The following GNAQ variants were observed in gnomAD, a reference collection of about 807,000 sequenced individuals.
The protein encoded by GNAQ is guanine nucleotide-binding protein G(q) subunit alpha.
A neutral mutation model predicts 43.9 loss-of-function variants in GNAQ; 8 were observed. That is an observed-to-expected ratio of 0.18 (90% CI 0.11 to 0.33). The LOEUF (loss-of-function observed/expected upper bound fraction) is 0.33, where lower values mean the gene tolerates loss of function less well. Among genes scored for constraint, GNAQ ranks in the 10% least tolerant of loss-of-function variants. GNAQ has a pLI of 1.00. For synonymous variants in GNAQ, 155 were observed against 170.7 expected (o/e 0.91, Z 0.71); for missense variants, 158 against 450.8 (o/e 0.35, Z 5.88).
intron 2 of GNAQ, among the ~76,000 whole-genome samples, chr9:77,860,176 T>C (rs1348382009): frequency 6.6e-6 from 1 of 152,202 alleles, no homozygotes; most frequent in Non-Finnish European, 1.5e-5. Flanking sequence ...CATGACCACC[T>C]GGGCATCTGC....
chr9:77,932,896 G>T (rs1433690194), intron 1 of GNAQ, among the ~76,000 whole-genome samples: 1 of 152,144 alleles, frequency 6.6e-6, no homozygotes, highest in African/African-American at 2.4e-5. Flanking sequence ...AAAAAAGTCT[G>T]TGTGGGGCTG....
intron 1 of GNAQ, among the ~76,000 whole-genome samples, chr9:77,983,584 C>A (rs186464328): frequency 9.2e-5 from 14 of 152,258 alleles, no homozygotes; most frequent in Admixed American, 8.5e-4. Context: ...TTGGTGTATT[C>A]CTTATTCCTC....
At position 77,917,375 on chromosome 9, in the gene GNAQ, G is replaced by C. The variant is rs560069304; in HGVS notation, c.321+4786C>G. Among the ~76,000 whole-genome samples the C allele has an allele frequency of 4.0e-5, 6 of 151,198 alleles. No homozygotes were observed. The South Asian group carries it at 8.3e-4, about 21-fold the overall frequency. On this transcript the variant is annotated intron_variant, in intron 2 of 6. Transcript: ENST00000286548. Reference sequence around the variant, plus strand: ...GTATAAAGAGGGCGGAAGGAGGGTGGGGGGGAAGAAGGTAAGAAAAAATAA... The same window carrying C: ...GTATAAAGAGGGCGGAAGGAGGGTGCGGGGGAAGAAGGTAAGAAAAAATAA...
chr9:77,761,137 G>A (rs1357292119), intron 5 of GNAQ, among the ~76,000 whole-genome samples: 1 of 145,616 alleles, frequency 6.9e-6, no homozygotes, highest in Admixed American at 6.7e-5. Context: ...CCCCCGCCCG[G>A]CCAGCCGCCC....
intron 2 of GNAQ, among the ~76,000 whole-genome samples, chr9:77,850,377 C>A (rs1182999510): frequency 2.0e-5 from 3 of 152,120 alleles, no homozygotes; most frequent in Non-Finnish European, 4.4e-5. Context: ...CTCACTGTGT[C>A]CCTCCTCTAC....
chr9:77,873,989 C>T (rs1404872540), intron 2 of GNAQ, among the ~76,000 whole-genome samples: 1 of 151,780 alleles, frequency 6.6e-6, no homozygotes, highest in African/African-American at 2.4e-5. Flanking sequence ...CCTGTAATCC[C>T]AGCTACCCGG....
chr9:78,021,130 G>A (rs963197417), intron 1 of GNAQ, among the ~76,000 whole-genome samples: 4 of 145,264 alleles, frequency 2.8e-5, no homozygotes, highest in African/African-American at 1.0e-4. Flanking sequence ...ACTCACTGCA[G>A]CCCTGACCAC....
At chr9:77,819,949 T>C (rs1403407052) in intron 2 of GNAQ, among the ~76,000 whole-genome samples, 2 of 151,968 alleles carry the variant, frequency 1.3e-5, no homozygotes, top group Non-Finnish European at 2.9e-5. Flanking sequence ...CCTCAACCTC[T>C]GCTTCCTAAT....
intron 2 of GNAQ, among the ~76,000 whole-genome samples, chr9:77,885,668 T>G (rs1828290796): frequency 6.6e-6 from 1 of 152,012 alleles, no homozygotes; most frequent in African/African-American, 2.4e-5. Context: ...TCAGTACGGA[T>G]GGAAAGAAAA....
chr9:77,762,303 G>T (rs1826050587), intron 5 of GNAQ, among the ~76,000 whole-genome samples: 1 of 145,566 alleles, frequency 6.9e-6, no homozygotes, highest in African/African-American at 2.6e-5. Flanking sequence ...GAGGTGGGGG[G>T]GTCAGCCCCC....
At chr9:77,905,101 A>G (rs192023075) in intron 2 of GNAQ, among the ~76,000 whole-genome samples, 1 of 152,192 alleles carries the variant, frequency 6.6e-6, no homozygotes, top group Admixed American at 6.5e-5. Flanking sequence ...TCTATTACCA[A>G]GAAATAAAAT....
At chr9:78,001,719 C>G (rs1823646482) in intron 1 of GNAQ, among the ~76,000 whole-genome samples, 2 of 152,048 alleles carry the variant, frequency 1.3e-5, no homozygotes, top group Admixed American at 6.5e-5. Context: ...TTCAGCCTCA[C>G]TGTCTTATTT....
intron 2 of GNAQ, among the ~76,000 whole-genome samples, chr9:77,895,002 A>T (rs887637034): frequency 2.0e-5 from 3 of 151,514 alleles, no homozygotes; most frequent in Non-Finnish European, 4.4e-5. Context: ...ATCTTGGCTA[A>T]CATGGTGAAA....
intron 3 of GNAQ, among the ~76,000 whole-genome samples, chr9:77,804,584 G>A (rs1460068381): frequency 6.6e-6 from 1 of 152,166 alleles, no homozygotes; most frequent in Non-Finnish European, 1.5e-5. Context: ...AAAAGTACCT[G>A]TGGATAGTTA....
chr9:77,862,531 A>C (rs759663656), intron 2 of GNAQ, among the ~76,000 whole-genome samples: 6 of 152,190 alleles, frequency 3.9e-5, no homozygotes, highest in Non-Finnish European at 5.9e-5. Flanking sequence ...CTAGTGGAGC[A>C]GCTGGGCCAC....
At chr9:78,020,437 G>A (rs956459073) in intron 1 of GNAQ, among the ~76,000 whole-genome samples, 1 of 152,060 alleles carries the variant, frequency 6.6e-6, no homozygotes, top group African/African-American at 2.4e-5. Context: ...ACCACCTCTG[G>A]GAACAAAAGG....
Position 77,717,718 on chromosome 9 carries a change from CTAGT to C in GNAQ, c.*3601_*3604del, listed in dbSNP as rs985171089. 1.7e-5 allele frequency: 4 copies of C among 230,326 alleles called. No homozygotes were observed. Among genetic ancestry groups the C allele is most frequent in the Non-Finnish European group, 3.4e-5 (4 of 117,328 alleles). The allele number at this position is 230,326 out of a possible 1,614,324, so 14.3% of individuals were successfully genotyped here. A position where few individuals can be genotyped will look rare whatever the true frequency, so the allele number is the denominator to read the frequency against. On this transcript the variant is annotated 3_prime_UTR_variant, in exon 7 of 7. Coordinates refer to ENST00000286548, the MANE Select transcript of GNAQ (RefSeq NM_002072.5). ...GAATTACCTTTTTAAAATAGGCCTG[CTAGT>C]TAATCTACCAAAAAAAAAAAAATAC...
chr9:77,863,978 C>T (rs1827905010), intron 2 of GNAQ, among the ~76,000 whole-genome samples: 1 of 152,130 alleles, frequency 6.6e-6, no homozygotes, highest in Non-Finnish European at 1.5e-5. Context: ...AGCCAAACCA[C>T]ATCACTGGGT....
chr9:77,960,014 T>C (rs1203629491), intron 1 of GNAQ, among the ~76,000 whole-genome samples: 2 of 152,192 alleles, frequency 1.3e-5, no homozygotes, highest in Admixed American at 6.5e-5. Flanking sequence ...AATGGATTCC[T>C]TGCCTCTTCA....
Sources: allele counts gnomAD v4.1 joint callset (sites outside exome capture counted in the v4.1 genomes callset), GRCh38; gene constraint gnomAD v4.1.1; transcripts MANE v1.5; gene names NCBI Gene and HGNC (gene_info 2026-07-23, HGNC 2026-07-21).